The following NRXN3 variants were observed in gnomAD, a reference collection of about 807,000 sequenced individuals.
NRXN3 encodes neurexin 3, also known as neurexin III.
In NRXN3, 32 loss-of-function variants were observed where a neutral mutation model predicts 137.6. That is an observed-to-expected ratio of 0.23 (90% confidence interval 0.18 to 0.31). The LOEUF (loss-of-function observed/expected upper bound fraction) is 0.31, where lower values mean the gene tolerates loss of function less well. Among genes scored for constraint, NRXN3 ranks in the 10% least tolerant of loss-of-function variants. NRXN3 has a pLI of 1.00. For synonymous variants in NRXN3, 798 were observed against 784.5 expected, an observed-to-expected ratio of 1.02 and a Z score of -0.29; for missense variants, 1,574 against 2,062.5, an observed-to-expected ratio of 0.76 and a Z score of 4.59.
chr14:78,606,627 G>C (rs746259649), intron 4 of NRXN3, among the ~76,000 whole-genome samples: 4 of 152,182 alleles, frequency 2.6e-5, no homozygotes, highest in African/African-American at 4.8e-5. Flanking sequence ...ACCTAACACA[G>C]TGTCCTAGAT....
intron 15 of NRXN3, among the ~76,000 whole-genome samples, chr14:79,323,334 G>T (rs894223206): frequency 2.6e-5 from 4 of 152,146 alleles, no homozygotes; most frequent in African/African-American, 9.7e-5. Flanking sequence ...GAGCCACCAT[G>T]CCTGCCCTAA....
chr14:78,787,736 T>G (rs532077334), intron 8 of NRXN3, among the ~76,000 whole-genome samples: 1 of 152,282 alleles, frequency 6.6e-6, no homozygotes, highest in East Asian at 1.9e-4. Context: ...AAAGCATAAC[T>G]GGACCATGAT....
At chr14:78,794,561 A>T (rs2098815351) in intron 8 of NRXN3, among the ~76,000 whole-genome samples, 1 of 151,892 alleles carries the variant, frequency 6.6e-6, no homozygotes, top group Non-Finnish European at 1.5e-5. Context: ...AGTTTAATTA[A>T]AGTAGTACAT....
intron 19 of NRXN3, among the ~76,000 whole-genome samples, chr14:79,793,297 C>T (rs1357744532): frequency 6.6e-6 from 1 of 152,156 alleles, no homozygotes; most frequent in Non-Finnish European, 1.5e-5. Flanking sequence ...AGCCGGGCGC[C>T]CCAGCTATTC....
At chr14:79,170,864 G>A (rs144885312) in intron 15 of NRXN3, among the ~76,000 whole-genome samples, 4 of 152,122 alleles carry the variant, frequency 2.6e-5, no homozygotes, top group African/African-American at 4.8e-5. Flanking sequence ...AACCTCATGG[G>A]TTTAGGATAC....
At chr14:79,300,537 G>T (rs937909939) in intron 15 of NRXN3, among the ~76,000 whole-genome samples, 1 of 151,980 alleles carries the variant, frequency 6.6e-6, no homozygotes, top group Admixed American at 6.6e-5. Flanking sequence ...CTGGTTATTA[G>T]GCTGAGGAGC....
chr14:78,357,963 C>T (rs1049141412), intron 4 of NRXN3, among the ~76,000 whole-genome samples: 4 of 152,172 alleles, frequency 2.6e-5, no homozygotes, highest in African/African-American at 9.7e-5. Flanking sequence ...GGTTGCACTA[C>T]ATCTCATATA....
chr14:78,542,222 C>T (rs1329153667), intron 4 of NRXN3, among the ~76,000 whole-genome samples: 2 of 152,200 alleles, frequency 1.3e-5, no homozygotes. Context: ...CAGACAGGGA[C>T]GTTTAAGTCT....
At chr14:78,474,019 G>C (rs2095333195) in intron 4 of NRXN3, among the ~76,000 whole-genome samples, 1 of 152,104 alleles carries the variant, frequency 6.6e-6, no homozygotes, top group South Asian at 2.1e-4. Context: ...CATTATGGGA[G>C]GGGCCTACAA....
rs74687558 is a variant in NRXN3, at chr14:79,371,468, C to A, written c.3263-95753C>A. Among the ~76,000 whole-genome samples, 1,251 of 152,120 alleles carry A rather than the reference C, an allele frequency of 8.2e-3. 24 individuals carry two copies. Among genetic ancestry groups the A allele is most frequent in the South Asian group, 0.082 (393 of 4,808 alleles). ...CTTGATTACCACTTATTTAAGTGAC[C>A]ATCAAACCAGTTTTATATCTGATAT... On this transcript the variant is annotated intron_variant, in intron 15 of 20. Transcript: ENST00000335750.
intron 15 of NRXN3, among the ~76,000 whole-genome samples, chr14:79,060,676 G>C (rs1380727281): frequency 1.3e-5 from 2 of 152,026 alleles, no homozygotes; most frequent in Non-Finnish European, 2.9e-5. Context: ...ATTTTGTGAG[G>C]GTAAGTTATT....
intron 20 of NRXN3, among the ~76,000 whole-genome samples, chr14:79,838,201 CAT>C (rs1341549645): frequency 6.6e-6 from 1 of 152,142 alleles, no homozygotes; most frequent in African/African-American, 2.4e-5. Context: ...ACTTAAGACT[CAT>C]AAACGTTTTA....
chr14:79,710,701 T>C lies in NRXN3; in HGVS notation c.4014+12764T>C, dbSNP rs541940027. Among the ~76,000 whole-genome samples, 22 of 152,090 alleles carry C rather than the reference T, an allele frequency of 1.4e-4. No homozygotes were observed. In the South Asian group the frequency reaches 4.6e-3, roughly 32 times the overall value. On this transcript the variant is annotated intron_variant, in intron 19 of 20. Transcript: ENST00000335750. ...TTTGACTTTGAATTTCATTAAAAAA[T>C]ATTTGAGTTATTTGAGTGCCTAGTA...
intron 20 of NRXN3, among the ~76,000 whole-genome samples, chr14:79,852,785 G>A (rs2099394537): frequency 6.6e-6 from 1 of 151,984 alleles, no homozygotes; most frequent in African/African-American, 2.4e-5. Context: ...ATCTCTGAAA[G>A]TGTGTGAAAT....
intron 4 of NRXN3, among the ~76,000 whole-genome samples, chr14:78,328,368 T>A (rs368968322): frequency 1.3e-5 from 2 of 152,216 alleles, no homozygotes; most frequent in South Asian, 2.1e-4. Flanking sequence ...ATAGGAGATT[T>A]GATTCATGTT....
intron 4 of NRXN3, among the ~76,000 whole-genome samples, chr14:78,633,461 C>T (rs1217535235): frequency 6.6e-6 from 1 of 152,114 alleles, no homozygotes; most frequent in Non-Finnish European, 1.5e-5. Context: ...TCCCCACTCC[C>T]CTTCAACATA....
intron 16 of NRXN3, among the ~76,000 whole-genome samples, chr14:79,560,638 A>G (rs1442176198): frequency 2.7e-5 from 4 of 150,036 alleles, no homozygotes; most frequent in Non-Finnish European, 5.9e-5. Context: ...AGCCTCCCAA[A>G]TAGCTAGTAC....
chr14:79,114,894 A>G (rs2054136914), intron 15 of NRXN3, among the ~76,000 whole-genome samples: 1 of 152,056 alleles, frequency 6.6e-6, no homozygotes, highest in Admixed American at 6.5e-5. Flanking sequence ...CATGCCCAGC[A>G]CTTCAACTCT....
intron 8 of NRXN3, among the ~76,000 whole-genome samples, chr14:78,732,578 T>C (rs2098521410): frequency 1.3e-5 from 2 of 152,210 alleles, no homozygotes; most frequent in African/African-American, 4.8e-5. Flanking sequence ...TTCTAATGTA[T>C]CTTCCCATTG....
Sources: allele counts gnomAD v4.1 joint callset (sites outside exome capture counted in the v4.1 genomes callset), GRCh38; gene constraint gnomAD v4.1.1; transcripts MANE v1.5; gene names NCBI Gene and HGNC (gene_info 2026-07-23, HGNC 2026-07-21).